PPL: variants seen among roughly 807,000 people sequenced by gnomAD.
The protein encoded by PPL is 190 kDa paraneoplastic pemphigus antigen.
PPL carries 198 observed loss-of-function variants against 194.4 expected under a neutral mutation model. That is an observed-to-expected ratio of 1.02 (90% CI 0.91 to 1.15). The LOEUF (loss-of-function observed/expected upper bound fraction) is 1.15. Among genes scored for constraint, PPL ranks in the 50% most tolerant of loss-of-function variants. PPL has a pLI of 0.00. For synonymous variants in PPL, 1,220 were observed against 972.4 expected (o/e 1.25, Z -4.74); for missense variants, 2,885 against 2,294.8 (o/e 1.26, Z -5.25).
chr16:4,936,288 C>T (rs1248107687), intron 1 of PPL, among the ~76,000 whole-genome samples: 1 of 152,214 alleles, frequency 6.6e-6, no homozygotes, highest in African/African-American at 2.4e-5. Flanking sequence ...AACCTCCGCT[C>T]AGAACCCAGA....
At chr16:4,927,983 C>T (rs1048672619) in intron 1 of PPL, among the ~76,000 whole-genome samples, 9 of 152,238 alleles carry the variant, frequency 5.9e-5, no homozygotes, top group African/African-American at 1.2e-4. Context: ...GTGCATGCCT[C>T]TAGTCCTGGC....
intron 11 of PPL, 59 bp from the exon 12 acceptor site, chr16:4,894,677 G>A (rs1311327368): frequency 5.1e-6 from 8 of 1,577,320 alleles, no homozygotes; most frequent in East Asian, 2.3e-5. Context: ...CTGGGAGCCC[G>A]GTTGCCATCT....
intron 1 of PPL, among the ~76,000 whole-genome samples, chr16:4,922,958 G>C (rs374545269): frequency 2.6e-5 from 4 of 152,176 alleles, no homozygotes; most frequent in South Asian, 2.1e-4. Flanking sequence ...AGGAGATCCT[G>C]CGTCCCAGAT....
In PPL at chr16:4,901,013, T is replaced by C. The variant is rs2088555473; in HGVS notation, c.515A>G (p.His172Arg). ...GGGCCCGATGGCCTTGACCTCATTG[T>C]GGAAGATGTTATGCTCCTCCACTTG... The part of the protein sequence containing the change: ...DHQVEEHNIF[H>R]NEVKAIGPHL... Residue 172 changes from histidine (H) to arginine (R), a missense_variant, in exon 5 of 22, where the codon CAC (histidine) becomes CGC (arginine). Transcript: ENST00000345988. 1 of 1,614,188 alleles carries C rather than the reference T, an allele frequency of 6.2e-7. No homozygotes were observed.
chr16:4,893,174 G>C, intron 14 of PPL, 39 bp downstream of exon 14: 1 of 1,489,362 alleles, frequency 6.7e-7, no homozygotes, highest in Non-Finnish European at 8.9e-7. Flanking sequence ...CCAGTGCAGG[G>C]CTCCCCCGGC....
At chr16:4,913,943 T>C (rs1437781436) in intron 1 of PPL, among the ~76,000 whole-genome samples, 1 of 151,978 alleles carries the variant, frequency 6.6e-6, no homozygotes, top group Non-Finnish European at 1.5e-5. Context: ...CAGGAGGAAA[T>C]CAGTATTTAT....
chr16:4,921,349 G>A (rs1404021935), intron 1 of PPL, among the ~76,000 whole-genome samples: 1 of 152,202 alleles, frequency 6.6e-6, no homozygotes, highest in Non-Finnish European at 1.5e-5. Flanking sequence ...ATCTTCTTGT[G>A]TCCCAGGACA....
At chr16:4,915,164 T>A (rs1298091800) in intron 1 of PPL, among the ~76,000 whole-genome samples, 3 of 152,240 alleles carry the variant, frequency 2.0e-5, no homozygotes, top group Non-Finnish European at 1.5e-5. Flanking sequence ...CTATCCTGGC[T>A]GGGCCTGTTG....
chr16:4,885,981 C>T lies in PPL; in HGVS notation c.2674G>A (p.Ala892Thr), dbSNP rs1254671632. Reference protein sequence around the residue: ...RNRPDSGVEEAWKIRKELDEE... With the variant: ...RNRPDSGVEETWKIRKELDEE... ...TCCAGTTCCTTCCTGATCTTCCACG[C>T]CTCCTCCACTCCAGAGTCCGGCCTA... Residue 892 changes from alanine to threonine, a missense_variant, in exon 22 of 22, where the codon GCG (alanine) becomes ACG (threonine). Transcript: ENST00000345988. The surrounding 1 kb of genome is among the most constrained non-coding windows in gnomAD (Gnocchi z 6.3). The T allele has an allele frequency of 6.2e-7, 1 of 1,613,388 alleles. No homozygotes were observed.
At chr16:4,903,857 C>G (rs2088626388) in intron 3 of PPL, 29 bp downstream of exon 3, 2 of 1,611,896 alleles carry the variant, frequency 1.2e-6, no homozygotes, top group African/African-American at 2.7e-5. Flanking sequence ...CCAATGGCTC[C>G]CCTGGGGTAA....
rs2088214448 is a variant in PPL at position 4,886,019 on chromosome 16, G to GCT, written c.2635_2636insAG (p.Thr879LysfsTer46). ...AGAGTCCGGCCTATTCCTTTGCAGG[G>GCT]TCTCATGGGTCACTTCTACTTCCGG... is the stretch of plus-strand genomic sequence containing the variant. On this transcript the variant is annotated frameshift_variant, in exon 22 of 22. Transcript: ENST00000345988. LOFTEE classifies it high-confidence loss of function. The GCT allele has an allele frequency of 6.2e-7, 1 of 1,613,822 alleles. No homozygotes were observed. Among genetic ancestry groups the GCT allele is most frequent in the Non-Finnish European group, 8.5e-7 (1 of 1,180,042 alleles).
At chr16:4,928,894 C>A (rs926135604) in intron 1 of PPL, among the ~76,000 whole-genome samples, 4 of 151,506 alleles carry the variant, frequency 2.6e-5, no homozygotes, top group Non-Finnish European at 5.9e-5. Flanking sequence ...GCCTGTAATC[C>A]CAGCTACTTG....
intron 1 of PPL, 137 bp downstream of exon 1, chr16:4,936,847 G>T: frequency 1.2e-6 from 1 of 851,122 alleles, no homozygotes; most frequent in Non-Finnish European, 1.7e-6. Context: ...GTTCCCGAGA[G>T]TCCCGCACTC....
At position 4,895,628 on chromosome 16, in the gene PPL, C is replaced by G. The variant is rs1259900437; in HGVS notation, c.1061G>C (p.Arg354Pro). 1 of 1,613,924 alleles carries G rather than the reference C, an allele frequency of 6.2e-7. No individual in the cohort carries two copies. Among genetic ancestry groups the G allele is most frequent in the African/African-American group, 1.3e-5 (1 of 74,926 alleles). Residue 354 changes from arginine (R) to proline (P), a missense_variant, in exon 10 of 22, where the codon CGG (arginine) becomes CCG (proline). Coordinates refer to ENST00000345988, the MANE Select transcript of PPL (RefSeq NM_002705.5). ...CCGCAGCAGCAGCTCAATCTGGTAC[C>G]GGTCCTTGAAGTCAGGGCCATACTT... ...NQKYGPDFKD[R>P]YQIELLLREL... is the part of the protein sequence containing the mutation.
chr16:4,885,829 C>T lies in PPL; in HGVS notation c.2826G>A (p.Pro942=), dbSNP rs367912925. 71 of 1,607,926 alleles carry T rather than the reference C, an allele frequency of 4.4e-5. No homozygotes were observed. The highest frequency in any genetic ancestry group is 3.3e-5 in the Admixed American group (2 of 60,008). The change falls in exon 22 of 22, where the codon CCG becomes CCA. Residue 942 remains proline, a synonymous_variant. Transcript: ENST00000345988. The surrounding 1 kb of genome is among the most constrained non-coding windows in gnomAD (Gnocchi z 6.3). ...VVRKEVLKKV[P]DPVLEESFQQ... ...GGAAGCTCTCCTCCAGCACGGGATC[C>T]GGCACCTTCTTGAGCACCTCCTTCC...
rs2088206042 is a variant in PPL, at chr16:4,885,717, C to A, written c.2938G>T (p.Ala980Ser). 6.2e-7 allele frequency: 1 copy of A among 1,613,292 alleles called. No individual in the cohort carries two copies. ...ELEALQLQLR[A>S]LEQETRDGGQ... ...CCGTCTCTGGTCTCCTGCTCCAGGG[C>A]ACGCAGCTGCAGCTGCAGTGCCTCC... Residue 980 changes from alanine (A) to serine (S), a missense_variant, in exon 22 of 22, where the codon GCC becomes TCC. Coordinates refer to ENST00000345988, the MANE Select transcript of PPL (RefSeq NM_002705.5). The surrounding 1 kb of genome is among the most constrained non-coding windows in gnomAD (Gnocchi z 6.3).
intron 14 of PPL, among the ~76,000 whole-genome samples, chr16:4,892,546 G>A (rs2088340447): frequency 6.6e-6 from 1 of 152,210 alleles, no homozygotes; most frequent in African/African-American, 2.4e-5. Flanking sequence ...ACTCCACCCA[G>A]TCACGGGTGG....
chr16:4,900,434 C>T (rs1426624213), intron 6 of PPL, among the ~76,000 whole-genome samples: 4 of 61,650 alleles, frequency 6.5e-5, no homozygotes, highest in African/African-American at 1.6e-4. Flanking sequence ...TACTGCACGC[C>T]TTTTTTTTTT....
intron 1 of PPL, among the ~76,000 whole-genome samples, chr16:4,936,217 G>C (rs1048824260): frequency 2.0e-5 from 3 of 152,198 alleles, no homozygotes; most frequent in Admixed American, 2.0e-4. Flanking sequence ...GGGCTGGGGT[G>C]GGGGCAGGGA....
Sources: gnomAD v4.1 joint callset for allele counts (sites outside exome capture counted in the v4.1 genomes callset) on GRCh38, gnomAD v4.1.1 for gene constraint, Gnocchi (gnomAD v3.1) non-coding constraint, MANE v1.5 for transcripts, NCBI Gene and HGNC (gene_info 2026-07-23, HGNC 2026-07-21) for gene names.